Variants in RNF19A observed in about 807,000 individuals in gnomAD.
RNF19A encodes ring finger protein 19A, RBR E3 ubiquitin protein ligase.
A neutral mutation model predicts 75.7 loss-of-function variants in RNF19A; 32 were observed. The observed-to-expected ratio is 0.42, with a 90% confidence interval of 0.32 to 0.57. The LOEUF is 0.57. Among genes scored for constraint, RNF19A ranks in the 20% least tolerant of loss-of-function variants. The pLI is 0.10. For synonymous variants in RNF19A, 335 were observed against 345.2 expected (o/e 0.97, Z 0.33); for missense variants, 782 against 1,036.3 (o/e 0.75, Z 3.37).
At position 100,259,241 on chromosome 8, in the gene RNF19A, C is replaced by A. The variant is rs1819599033; in HGVS notation, c.1832G>T (p.Gly611Val). 3 of 1,603,448 alleles carry A rather than the reference C, an allele frequency of 1.9e-6. No homozygotes were observed. The change falls in exon 10 of 10, where the codon GGC (glycine) becomes GTC (valine). Residue 611 changes from glycine (G) to valine (V), a missense_variant. This residue lies in a region of RNF19A where 442 missense variants were observed against 541.6 expected (regional missense o/e 0.82). Coordinates refer to ENST00000341084, the MANE Select transcript of RNF19A (RefSeq NM_183419.4). The surrounding 1 kb of genome is among the most constrained non-coding windows in gnomAD (Gnocchi z 4.5). Reference sequence around the variant, plus strand: ...ATCTACTTGCACCTCCATACTGTTGCCTTCTCTGAAATATAAGAGTAACAA... The same window carrying A: ...ATCTACTTGCACCTCCATACTGTTGACTTCTCTGAAATATAAGAGTAACAA... ...LNSYIPLDKE[G>V]NSMEVQVDIE...
intron 1 of RNF19A, among the ~76,000 whole-genome samples, chr8:100,290,468 C>T (rs962789578): frequency 1.2e-4 from 18 of 152,260 alleles, no homozygotes; most frequent in African/African-American, 4.3e-4. Flanking sequence ...GATACATACA[C>T]GACCCAGAAA....
intron 1 of RNF19A, among the ~76,000 whole-genome samples, chr8:100,321,339 A>G (rs974553792): frequency 2.0e-5 from 3 of 152,226 alleles, no homozygotes; most frequent in East Asian, 1.9e-4. Flanking sequence ...CCAAGAGTAG[A>G]TTCCATCTAA....
intron 1 of RNF19A, among the ~76,000 whole-genome samples, chr8:100,301,794 AAGTT>A (rs1265445035): frequency 6.6e-6 from 1 of 152,216 alleles, no homozygotes; most frequent in East Asian, 1.9e-4. Flanking sequence ...GTGGGGAAAA[AAGTT>A]AGGCAGAGCA....
upstream of RNF19A, among the ~76,000 whole-genome samples, chr8:100,311,717 C>CAAAAAAAAAA (rs55695585): frequency 2.2e-5 from 2 of 89,888 alleles, no homozygotes; most frequent in East Asian, 2.9e-4. Context: ...GACTCCGTCT[C>CAAAAAAAAAA]AAAAAAAAAA....
intron 1 of RNF19A, among the ~76,000 whole-genome samples, chr8:100,289,847 C>T (rs1303855872): frequency 2.6e-5 from 4 of 152,100 alleles, no homozygotes; most frequent in African/African-American, 9.7e-5. Context: ...TAACAATGCT[C>T]ACAATAGCAT....
rs1173365708 is a variant in RNF19A at position 100,323,866 on chromosome 8, G to T, written c.-242-10494C>A. 6.6e-6 allele frequency among the ~76,000 whole-genome samples: 1 copy of T among 152,084 alleles called. No homozygotes were observed. The highest frequency in any genetic ancestry group is 1.5e-5 in the Non-Finnish European group (1 of 68,024). The stretch of plus-strand genomic sequence containing the variant: ...CACAAGTTGTTTGTAAAATGACTGT[G>T]CCAAACCAACATTCCTGTCAACGAT... On this transcript the variant is annotated intron_variant, in intron 1 of 3. Transcript: ENST00000519527. The surrounding 1 kb of genome is among the most constrained non-coding windows in gnomAD (Gnocchi z 4.6).
chr8:100,272,002 G>A (rs1820278561), intron 3 of RNF19A, among the ~76,000 whole-genome samples: 1 of 152,022 alleles, frequency 6.6e-6, no homozygotes, highest in Admixed American at 6.6e-5. Flanking sequence ...GCTAAAATAT[G>A]GGCCATTGTC....
intron 2 of RNF19A, among the ~76,000 whole-genome samples, chr8:100,286,142 T>G (rs139628167): frequency 2.6e-5 from 4 of 152,272 alleles, no homozygotes; most frequent in African/African-American, 9.6e-5. Flanking sequence ...ATCTAAGCTG[T>G]TTTTCTGTCA....
At chr8:100,274,373 A>G (rs1479890971) in intron 3 of RNF19A, among the ~76,000 whole-genome samples, 2 of 152,202 alleles carry the variant, frequency 1.3e-5, no homozygotes, top group African/African-American at 4.8e-5. Context: ...ATTAACACTA[A>G]TACTACTGAG....
rs183085404 is a variant in RNF19A at position 100,288,787 on chromosome 8, G to A, written c.-93-520C>T. ...AGAAAAAGTCCCATATAGGCCAGGC[G>A]CGGTGGCTCACGCCTGTAATCCCAG... On this transcript the variant is annotated intron_variant, in intron 1 of 9. Transcript: ENST00000341084. Among the ~76,000 whole-genome samples, 488 of 152,226 alleles carry A rather than the reference G, an allele frequency of 3.2e-3. 2 individuals are homozygous for A. The highest frequency in any genetic ancestry group is 0.011 in the African/African-American group (450 of 41,538).
In RNF19A at chr8:100,317,049, C is replaced by T. The variant is rs1443705751; in HGVS notation, c.-242-3677G>A. Among the ~76,000 whole-genome samples, 2 of 151,982 alleles carry T rather than the reference C, an allele frequency of 1.3e-5. No individual in the cohort carries two copies. The highest frequency in any genetic ancestry group is 3.9e-4 in the East Asian group (2 of 5,164). ...GTCCCTCATTGCCCGGGACCAGCAG[C>T]GCTGCCCGGCTACTCTGAGTGCGGG... On this transcript the variant is annotated intron_variant, in intron 1 of 3. Transcript: ENST00000519527. The surrounding 1 kb of genome is among the most constrained non-coding windows in gnomAD (Gnocchi z 4.3).
intron 1 of RNF19A, among the ~76,000 whole-genome samples, chr8:100,305,325 T>A (rs966196208): frequency 6.6e-6 from 1 of 152,168 alleles, no homozygotes; most frequent in Non-Finnish European, 1.5e-5. Flanking sequence ...AATTCGAAGG[T>A]GTATGCAATT....
Position 100,260,196 on chromosome 8 carries a change from T to G in RNF19A, c.1683-199A>C, listed in dbSNP as rs1485297184. On this transcript the variant is annotated intron_variant, in intron 8 of 9. Transcript: ENST00000341084. This position sits in a 1 kb window ranked among gnomAD's most constrained non-coding sequence, Gnocchi z 4.1. ...AGCCATCCAAATAAAATGGGGAACATCAGCTGTCTGCCAAGTAAAGTGGTA... is the reference window on the plus strand; with the variant it reads ...AGCCATCCAAATAAAATGGGGAACAGCAGCTGTCTGCCAAGTAAAGTGGTA... Among the ~76,000 whole-genome samples the G allele has an allele frequency of 6.6e-6, 1 of 152,138 alleles. No homozygotes were observed. Among genetic ancestry groups the G allele is most frequent in the Non-Finnish European group, 1.5e-5 (1 of 68,016 alleles).
upstream of RNF19A, among the ~76,000 whole-genome samples, chr8:100,314,357 A>G (rs1256168416): frequency 6.6e-6 from 1 of 152,090 alleles, no homozygotes; most frequent in East Asian, 1.9e-4. The surrounding 1 kb of genome is among the most constrained non-coding windows in gnomAD (Gnocchi z 4.1). Flanking sequence ...AAGAATCCCT[A>G]AAGCTCCCAA....
At chr8:100,274,826 G>T in intron 3 of RNF19A, 127 bp downstream of exon 3, 3 of 671,214 alleles carry the variant, frequency 4.5e-6, no homozygotes, top group Non-Finnish European at 7.5e-6. Flanking sequence ...GAGTGCTTCT[G>T]GGATAGAAAT....
chr8:100,274,006 A>T (rs755391019), intron 3 of RNF19A, among the ~76,000 whole-genome samples: 15 of 152,008 alleles, frequency 9.9e-5, no homozygotes, highest in South Asian at 4.2e-4. Flanking sequence ...GCTGGTCTTG[A>T]ACCCCTGATC....
chr8:100,302,777 C>A (rs907095024), intron 1 of RNF19A, among the ~76,000 whole-genome samples: 4 of 152,102 alleles, frequency 2.6e-5, no homozygotes, highest in Non-Finnish European at 1.5e-5. Flanking sequence ...GAAGACAAAA[C>A]CTGTTGGTCT....
chr8:100,283,141 G>A lies in RNF19A; in HGVS notation c.674+4360C>T, dbSNP rs148995761. On this transcript the variant is annotated intron_variant, in intron 2 of 9. Coordinates refer to ENST00000341084, the MANE Select transcript of RNF19A (RefSeq NM_183419.4). ...ATGTCCCAGTATAATAAATGTTCTT[G>A]TATATTCAAAGCTCCCCAGCAAAGT... Among the ~76,000 whole-genome samples, 175 of 151,994 alleles carry A rather than the reference G, an allele frequency of 1.2e-3. 2 individuals carry two copies. The East Asian group carries it at 0.032, about 28-fold the overall frequency.
chr8:100,301,309 C>T (rs1821816287), intron 1 of RNF19A, among the ~76,000 whole-genome samples: 2 of 152,208 alleles, frequency 1.3e-5, no homozygotes, highest in Non-Finnish European at 2.9e-5. Flanking sequence ...ATTCTTTCTA[C>T]TATCTTACTG....
Sources: allele counts gnomAD v4.1 joint callset (sites outside exome capture counted in the v4.1 genomes callset), GRCh38; gene constraint gnomAD v4.1.1; regional missense constraint gnomAD v4.1.1; non-coding constraint Gnocchi (gnomAD v3.1); transcripts MANE v1.5; gene names NCBI Gene and HGNC (gene_info 2026-07-23, HGNC 2026-07-21).